Variants in KMT5A observed in about 807,000 individuals in gnomAD.
The protein encoded by KMT5A is N-lysine methyltransferase KMT5A.
Under a neutral mutation model 40.6 loss-of-function variants are expected in KMT5A, and 6 were observed. The observed-to-expected ratio is 0.15, with a 90% confidence interval of 0.08 to 0.29. The LOEUF is 0.29. KMT5A is among the 10% of genes least tolerant of loss of function. The pLI is 1.00. For missense variants in KMT5A, 308 were observed against 459.1 expected, an observed-to-expected ratio of 0.67 and a Z score of 3.01; for synonymous variants, 153 against 178.8, an observed-to-expected ratio of 0.86 and a Z score of 1.15.
chr12:123,399,416 C>T (rs1593468318), intron 5 of KMT5A, among the ~76,000 whole-genome samples: 1 of 152,378 alleles, frequency 6.6e-6, no homozygotes, highest in East Asian at 1.9e-4. Context: ...GCCGGGGCAT[C>T]TGGCCTGGTC....
chr12:123,387,441 G>A (rs1876944639), intron 1 of KMT5A, among the ~76,000 whole-genome samples: 1 of 152,214 alleles, frequency 6.6e-6, no homozygotes, highest in Non-Finnish European at 1.5e-5. Context: ...CAGTTAAGCT[G>A]CAAAACTTCT....
At chr12:123,405,202 T>C in intron 7 of KMT5A, 128 bp downstream of exon 7, 1 of 1,027,104 alleles carries the variant, frequency 9.7e-7, no homozygotes, top group African/African-American at 1.6e-5. Flanking sequence ...CTTTTTTTTT[T>C]TTATTTTTTG....
At chr12:123,406,971 G>A (rs1241905407) in intron 7 of KMT5A, among the ~76,000 whole-genome samples, 1 of 147,968 alleles carries the variant, frequency 6.8e-6, no homozygotes, top group Non-Finnish European at 1.5e-5. Flanking sequence ...AGCTGAGATC[G>A]TGCCACTGCA....
At chr12:123,399,408 C>T (rs1243585357) in intron 5 of KMT5A, among the ~76,000 whole-genome samples, 1 of 152,240 alleles carries the variant, frequency 6.6e-6, no homozygotes, top group African/African-American at 2.4e-5. Context: ...GGCTTTGTGC[C>T]GGGGCATCTG....
At position 123,403,650 on chromosome 12, in the gene KMT5A, T is replaced by C. The variant is rs370869734; in HGVS notation, c.657+18T>C. ...GAATGAAGGTAAGGGGCTGCTGTGCTTGCTGCATCATAGCTAAAGCTGGAA... is the reference window on the plus strand; with the variant it reads ...GAATGAAGGTAAGGGGCTGCTGTGCCTGCTGCATCATAGCTAAAGCTGGAA... On this transcript the variant is annotated intron_variant, in intron 6 of 7. Coordinates refer to ENST00000402868, the MANE Select transcript of KMT5A (RefSeq NM_020382.7). 6.2e-7 allele frequency: 1 copy of C among 1,614,042 alleles called. No individual in the cohort carries two copies. The highest frequency in any genetic ancestry group is 8.5e-7 in the Non-Finnish European group (1 of 1,179,986).
chr12:123,395,358 T>A, intron 4 of KMT5A, 92 bp downstream of exon 4: 2 of 1,259,918 alleles, frequency 1.6e-6, no homozygotes, highest in South Asian at 1.3e-5. Flanking sequence ...GGGGGTTCAG[T>A]GGCCACCTCT....
In KMT5A at chr12:123,409,052, C is replaced by G. The variant is rs1249136660; in HGVS notation, c.*1349C>G. 2 of 152,626 alleles carry G rather than the reference C, an allele frequency of 1.3e-5. No homozygotes were observed. Among genetic ancestry groups the G allele is most frequent in the Non-Finnish European group, 2.9e-5 (2 of 68,040 alleles). 9.5% of individuals were successfully genotyped at this position (152,626 alleles called of 1,614,324 possible). A position where few individuals can be genotyped will look rare whatever the true frequency, so the allele number is the denominator to read the frequency against. ...CCATGACCTGGTGTCTCCTGCCCAC[C>G]CTGGTCCCAGGTAAATGTGAATGGA... On this transcript the variant is annotated 3_prime_UTR_variant, in exon 8 of 8. Coordinates refer to ENST00000402868, the MANE Select transcript of KMT5A (RefSeq NM_020382.7).
At chr12:123,390,560 C>A in intron 2 of KMT5A, 70 bp from the exon 3 acceptor site, 1 of 1,545,614 alleles carries the variant, frequency 6.5e-7, no homozygotes, top group Non-Finnish European at 8.8e-7. Context: ...CTTTTGTATT[C>A]CTCCTCCTCG....
chr12:123,393,595 A>C (rs1877470195), intron 3 of KMT5A, among the ~76,000 whole-genome samples: 1 of 152,058 alleles, frequency 6.6e-6, no homozygotes. Flanking sequence ...GCTGGAGTAC[A>C]ATGGTGCAAT....
intron 3 of KMT5A, chr12:123,391,181 T>C (rs1877293090): frequency 5.9e-6 from 1 of 170,522 alleles, no homozygotes; most frequent in African/African-American, 2.4e-5. Flanking sequence ...TTTTATGAGC[T>C]GGCCTTGACC....
At chr12:123,394,958 C>A in intron 3 of KMT5A, 89 bp from the exon 4 acceptor site, 1 of 1,250,648 alleles carries the variant, frequency 8.0e-7, no homozygotes. Flanking sequence ...ATCCTGTCTT[C>A]TCAAAGCTTG....
At chr12:123,388,404 G>GT (rs1876996897) in intron 1 of KMT5A, 1 of 152,274 alleles carries the variant, frequency 6.6e-6, no homozygotes, top group African/African-American at 2.4e-5. Flanking sequence ...ACTCGCCCAG[G>GT]AAACCGATCA....
chr12:123,394,668 T>C (rs1877560157), intron 3 of KMT5A, among the ~76,000 whole-genome samples: 1 of 152,210 alleles, frequency 6.6e-6, no homozygotes, highest in South Asian at 2.1e-4. Flanking sequence ...ACCTTACTCC[T>C]GTCCCCTAAT....
intron 6 of KMT5A, among the ~76,000 whole-genome samples, chr12:123,404,614 G>A (rs1381925767): frequency 6.6e-6 from 1 of 152,160 alleles, no homozygotes. Flanking sequence ...GATCTCTCAC[G>A]AGCTCTGATG....
Position 123,395,086 on chromosome 12 carries a change from A to C in KMT5A, c.329A>C (p.Lys110Thr), listed in dbSNP as rs1388456620. 3.8e-6 allele frequency: 6 copies of C among 1,591,146 alleles called. No homozygotes were observed. Among genetic ancestry groups the C allele is most frequent in the African/African-American group, 1.3e-5 (1 of 74,404 alleles). Residue 110 changes from lysine (K) to threonine (T), a missense_variant, in exon 4 of 8, where the codon AAG becomes ACG. Lys to Thr is a moderately conservative substitution (Grantham distance 78). Transcript: ENST00000402868. ...GGGAACGCAGTACGGAGCGCCATGA[A>C]GTCCGAGGAACAGAAGATCAAAGAC... is the stretch of plus-strand genomic sequence containing the variant. The part of the protein sequence containing the change: ...NAGNAVRSAM[K>T]SEEQKIKDAR...
chr12:123,390,059 G>A (rs1877176028), intron 2 of KMT5A: 1 of 468,456 alleles, frequency 2.1e-6, no homozygotes, highest in Non-Finnish European at 4.4e-6. Flanking sequence ...CGCTGGCTGT[G>A]GCTCCTGCTC....
intron 5 of KMT5A, among the ~76,000 whole-genome samples, chr12:123,403,146 G>A (rs1213043274): frequency 6.6e-6 from 1 of 152,160 alleles, no homozygotes; most frequent in African/African-American, 2.4e-5. Flanking sequence ...CTTACGATCC[G>A]CCCGCCTCGG....
intron 3 of KMT5A, among the ~76,000 whole-genome samples, chr12:123,393,733 G>A (rs1300258067): frequency 6.6e-6 from 1 of 152,022 alleles, no homozygotes. Context: ...GTAGAGATGG[G>A]GTTTTACCAT....
rs146638825 is a variant in KMT5A, at chr12:123,390,704, C to G, written c.207C>G (p.Pro69=). ...SPNKCSGMRF[P]LQEENSVTHH... ...ACAAATGCTCTGGAATGCGTTTCCC[C>G]CTTCAGGAAGAGAACTCAGTTACAC... Residue 69 remains proline (P), a synonymous_variant, in exon 3 of 8, where the codon CCC becomes CCG. Transcript: ENST00000402868. 45 of 1,613,812 alleles carry G rather than the reference C, an allele frequency of 2.8e-5. No individual in the cohort carries two copies. The highest frequency in any genetic ancestry group is 3.4e-5 in the Non-Finnish European group (40 of 1,179,856).
Sources: allele counts gnomAD v4.1 joint callset (sites outside exome capture counted in the v4.1 genomes callset), GRCh38; gene constraint gnomAD v4.1.1; transcripts MANE v1.5; gene names NCBI Gene and HGNC (gene_info 2026-07-23, HGNC 2026-07-21).